PRKDC: variants seen among roughly 807,000 people sequenced by gnomAD.
The protein encoded by PRKDC is protein kinase, DNA-activated, catalytic subunit, also known as DNA-dependent protein kinase catalytic subunit.
Under a neutral mutation model 486.9 loss-of-function variants are expected in PRKDC, and 82 were observed. That is an observed-to-expected ratio of 0.17 (90% CI 0.14 to 0.20). PRKDC has a LOEUF of 0.20. Among genes scored for constraint, PRKDC ranks in the 10% least tolerant of loss-of-function variants. The pLI, the probability that PRKDC is intolerant of heterozygous loss-of-function variation, is 1.00. For synonymous variants in PRKDC, 1,895 were observed against 1,837.0 expected (o/e 1.03, Z -0.81); for missense variants, 4,504 against 5,038.2 (o/e 0.89, Z 3.21).
At chr8:47,907,806 C>A (rs759110257) in intron 25 of PRKDC, among the ~76,000 whole-genome samples, 1 of 152,034 alleles carries the variant, frequency 6.6e-6, no homozygotes, top group Non-Finnish European at 1.5e-5. Flanking sequence ...TGTATATACA[C>A]GTGTAAAAAT....
rs1052567510 is a variant in PRKDC at position 47,897,143 on chromosome 8, A to G, written c.3598+18T>C. ...ATAAAGCACCGTGGTGAAATTAAAG[A>G]TATACAGATTACCATACCTGGCAAT... On this transcript the variant is annotated intron_variant, in intron 30 of 85. Coordinates refer to ENST00000314191, the MANE Select transcript of PRKDC (RefSeq NM_006904.7). 4 of 1,576,038 alleles carry G rather than the reference A, an allele frequency of 2.5e-6. No homozygotes were observed. In the African/African-American group the frequency reaches 5.4e-5, roughly 21 times the overall value.
At chr8:47,848,030 T>C (rs1000274651) in intron 54 of PRKDC, among the ~76,000 whole-genome samples, 1 of 152,166 alleles carries the variant, frequency 6.6e-6, no homozygotes, top group Non-Finnish European at 1.5e-5. Flanking sequence ...CACTTATACA[T>C]GGTTGGTGGG....
At chr8:47,779,207 A>G (rs762555701) in intron 80 of PRKDC, 114 bp from the exon 81 acceptor site, 11 of 737,256 alleles carry the variant, frequency 1.5e-5, no homozygotes, top group Non-Finnish European at 2.0e-5. Context: ...GGAAAAAATA[A>G]TAAGACTTTT....
rs527789194 is a variant in PRKDC at position 47,876,021 on chromosome 8, T to C, written c.5363+1703A>G. On this transcript the variant is annotated intron_variant, in intron 40 of 85. Coordinates refer to ENST00000314191, the MANE Select transcript of PRKDC (RefSeq NM_006904.7). ...CAGGAATAAGAGATCACATATTGTA[T>C]GATTCCACTTATATAAAATGTCCAG... Among the ~76,000 whole-genome samples the C allele has an allele frequency of 4.6e-5, 7 of 152,354 alleles. No homozygotes were observed. The South Asian group carries it at 1.4e-3, about 32-fold the overall frequency.
In PRKDC at chr8:47,936,375, C is replaced by A. The variant is rs1178705138; in HGVS notation, c.1256G>T (p.Ser419Ile). The change falls in exon 12 of 86, where the codon AGC (serine) becomes ATC (isoleucine). Residue 419 changes from serine (S) to isoleucine (I), a missense_variant. Ser to Ile is a moderately radical substitution (Grantham distance 142). Transcript: ENST00000314191. ...TACTGTGTCAAGGTACAGCAAGACG[C>A]TTGCAACAGACTGGAGGAAGCTTGG... ...QMPSFLQSVA[S>I]VLLYLDTVPE... The A allele has an allele frequency of 6.2e-7, 1 of 1,613,268 alleles. No individual in the cohort carries two copies. Among genetic ancestry groups the A allele is most frequent in the Admixed American group, 1.7e-5 (1 of 59,938 alleles).
intron 25 of PRKDC, 130 bp downstream of exon 25, chr8:47,912,280 C>T: frequency 1.9e-6 from 2 of 1,057,362 alleles, no homozygotes; most frequent in Non-Finnish European, 2.5e-6. Context: ...ACCAGAGCAC[C>T]TGGGGTAGCA....
At chr8:47,916,822 G>A (rs570864545) in intron 22 of PRKDC, among the ~76,000 whole-genome samples, 1 of 152,250 alleles carries the variant, frequency 6.6e-6, no homozygotes, top group East Asian at 1.9e-4. Flanking sequence ...CAGAGTCAAC[G>A]CTAGAGAATC....
intron 38 of PRKDC, among the ~76,000 whole-genome samples, chr8:47,880,410 G>T (rs905854549): frequency 6.6e-6 from 1 of 152,116 alleles, no homozygotes; most frequent in East Asian, 1.9e-4. Flanking sequence ...GTTCTCCCTC[G>T]CATGGCAGAA....
rs576490284 is a variant in PRKDC at position 47,837,831 on chromosome 8, T to C, written c.7554-412A>G. 1.4e-4 allele frequency among the ~76,000 whole-genome samples: 21 copies of C among 152,052 alleles called. 1 individual carries two copies. The highest frequency in any genetic ancestry group is 9.2e-4 in the Admixed American group (14 of 15,278). On this transcript the variant is annotated intron_variant, in intron 56 of 85. Transcript: ENST00000314191. ...ACTGCCATAAAATACTCAAAACATA[T>C]ATTAATTAAATACCAAATTAGGGGT... is the stretch of plus-strand genomic sequence containing the variant.
At chr8:47,934,978 T>C in intron 14 of PRKDC, 31 bp downstream of exon 14, 2 of 1,458,672 alleles carry the variant, frequency 1.4e-6, no homozygotes, top group South Asian at 2.6e-5. Flanking sequence ...GATAACAGAT[T>C]AATTTTCTAA....
chr8:47,858,557 T>C lies in PRKDC; in HGVS notation c.6424A>G (p.Ile2142Val), dbSNP rs1480309107. Reference sequence around the variant, plus strand: ...ACAAGCTTGGCTAAGAAGAGACGGATATTTAATGGTACTATTGGATTTCCC... The same window carrying C: ...ACAAGCTTGGCTAAGAAGAGACGGACATTTAATGGTACTATTGGATTTCCC... The part of the protein sequence containing the change: ...KLGNPIVPLN[I>V]RLFLAKLVIN... The change falls in exon 48 of 86, where the codon ATC becomes GTC. Residue 2142 changes from isoleucine to valine, a missense_variant. This residue lies in a region of PRKDC where 1,592 missense variants were observed against 1,724.6 expected (regional missense o/e 0.92). Transcript: ENST00000314191. The C allele has an allele frequency of 6.5e-7, 1 of 1,549,664 alleles. No homozygotes were observed. The highest frequency in any genetic ancestry group is 8.8e-7 in the Non-Finnish European group (1 of 1,141,666).
chr8:47,935,120 A>C, intron 13 of PRKDC, 62 bp from the exon 14 acceptor site: 4 of 1,105,652 alleles, frequency 3.6e-6, no homozygotes, highest in Admixed American at 3.0e-5. Flanking sequence ...CAAAACTCAC[A>C]AAAAAAAACA....
At chr8:47,913,792 C>A (rs2089944825) in intron 24 of PRKDC, 109 bp downstream of exon 24, 6 of 1,129,878 alleles carry the variant, frequency 5.3e-6, no homozygotes, top group Non-Finnish European at 7.1e-6. Flanking sequence ...ACAGAAAATA[C>A]AAAATTACTA....
chr8:47,795,040 C>T (rs2086952902), intron 73 of PRKDC, among the ~76,000 whole-genome samples: 1 of 151,986 alleles, frequency 6.6e-6, no homozygotes. Flanking sequence ...AGGTGCGCCA[C>T]CATGCCCAGC....
intron 74 of PRKDC, among the ~76,000 whole-genome samples, chr8:47,791,468 C>T (rs1188520645): frequency 6.6e-6 from 1 of 152,068 alleles, no homozygotes; most frequent in Non-Finnish European, 1.5e-5. Context: ...GAGCAATACA[C>T]CGCCTCAAAA....
chr8:47,919,047 C>T (rs372032449), intron 21 of PRKDC, among the ~76,000 whole-genome samples: 24 of 152,066 alleles, frequency 1.6e-4, no homozygotes, highest in Non-Finnish European at 2.9e-4. Flanking sequence ...GTGACCGACT[C>T]AACACCCCAC....
chr8:47,915,753 T>G (rs1006680210), intron 22 of PRKDC, among the ~76,000 whole-genome samples: 5 of 152,236 alleles, frequency 3.3e-5, no homozygotes, highest in African/African-American at 1.2e-4. Flanking sequence ...TCCACAGTAG[T>G]GCAGATCCGT....
At position 47,785,155 on chromosome 8, in the gene PRKDC, C is replaced by T. The variant is rs928907352; in HGVS notation, c.11065G>A (p.Asp3689Asn). Reference sequence around the variant, plus strand: ...TTTCTCAGGAACTCCACTTTGAAGTCGCTCATCCAGGGTGAACATTCTTTC... The same window carrying T: ...TTTCTCAGGAACTCCACTTTGAAGTTGCTCATCCAGGGTGAACATTCTTTC... Reference protein sequence around the residue: ...NLKECSPWMSDFKVEFLRNEL... With the variant: ...NLKECSPWMSNFKVEFLRNEL... Residue 3689 changes from aspartate (D) to asparagine (N), a missense_variant, in exon 77 of 86, where the codon GAC becomes AAC. Coordinates refer to ENST00000314191, the MANE Select transcript of PRKDC (RefSeq NM_006904.7). 21 of 1,613,794 alleles carry T rather than the reference C, an allele frequency of 1.3e-5. No individual in the cohort carries two copies. Among genetic ancestry groups the T allele is most frequent in the African/African-American group, 8.0e-5 (6 of 74,898 alleles).
Position 47,886,047 on chromosome 8 carries a change from T to A in PRKDC, c.4673A>T (p.Tyr1558Phe). The change falls in exon 36 of 86, where the codon TAT (tyrosine) becomes TTT (phenylalanine). Residue 1558 changes from tyrosine (Y) to phenylalanine (F), a missense_variant. Physicochemically the swap from Tyr to Phe is conservative, Grantham distance 22. Around this residue, in one of 6 missense-constraint regions of PRKDC, gnomAD observed 1,969 missense variants for 2,068.9 expected, o/e 0.95. Coordinates refer to ENST00000314191, the MANE Select transcript of PRKDC (RefSeq NM_006904.7). ...GSVIHFSHGE[Y>F]FYSLFSETIN... ...CGTTTCTGAGAACAAGCTATAGAAA[T>A]ACTCCCCATGGGAGAAGTGGATGAC... 6.2e-7 allele frequency: 1 copy of A among 1,613,644 alleles called. No individual in the cohort carries two copies. Among genetic ancestry groups the A allele is most frequent in the Non-Finnish European group, 8.5e-7 (1 of 1,179,860 alleles).
Sources: gnomAD v4.1 joint callset for allele counts (sites outside exome capture counted in the v4.1 genomes callset) on GRCh38, gnomAD v4.1.1 for gene constraint, gnomAD v4.1.1 regional missense constraint, MANE v1.5 for transcripts, NCBI Gene and HGNC (gene_info 2026-07-23, HGNC 2026-07-21) for gene names.